THRB: variants seen among roughly 807,000 people sequenced by gnomAD.
THRB encodes the protein thyroid hormone receptor beta.
THRB carries 12 observed loss-of-function variants against 47.8 expected under a neutral mutation model. That is an observed-to-expected ratio of 0.25 (90% CI 0.16 to 0.41). THRB has a LOEUF of 0.41. Among genes scored for constraint, THRB ranks in the 10% least tolerant of loss-of-function variants. The pLI is 1.00. For missense variants in THRB, 348 were observed against 589.2 expected, an observed-to-expected ratio of 0.59 and a Z score of 4.24; for synonymous variants, 218 against 212.2, an observed-to-expected ratio of 1.03 and a Z score of -0.24.
At chr3:24,224,649 T>G (rs370345179) in intron 4 of THRB, among the ~76,000 whole-genome samples, 1 of 152,374 alleles carries the variant, frequency 6.6e-6, no homozygotes, top group Non-Finnish European at 1.5e-5. Context: ...AAATGTTTTG[T>G]CTGACTCTGA....
At chr3:24,317,536 C>T (rs149893192) in intron 2 of THRB, among the ~76,000 whole-genome samples, 91 of 152,098 alleles carry the variant, frequency 6.0e-4, no homozygotes, top group African/African-American at 2.2e-3. Context: ...TTACTCAATC[C>T]CATAAGAAAA....
intron 1 of THRB, among the ~76,000 whole-genome samples, chr3:24,456,961 T>G (rs572668630): frequency 6.6e-6 from 1 of 152,074 alleles, no homozygotes; most frequent in Non-Finnish European, 1.5e-5. Context: ...ATTGTAAGGT[T>G]TGGGGCTTTT....
chr3:24,386,356 T>C (rs1030629976), intron 1 of THRB, among the ~76,000 whole-genome samples: 3 of 152,100 alleles, frequency 2.0e-5, no homozygotes, highest in Admixed American at 2.0e-4. Context: ...CAACCACCTC[T>C]AGTCCCTCTA....
rs747689098 is a variant in THRB at position 24,190,179 on chromosome 3, G to T, written c.178C>A (p.Gln60Lys). 1 of 1,614,134 alleles carries T rather than the reference G, an allele frequency of 6.2e-7. No homozygotes were observed. The highest frequency in any genetic ancestry group is 8.5e-7 in the Non-Finnish European group (1 of 1,179,980). ...AATATTGAGCTAGTCCAAGTGGTCT[G>T]GATGAGATGTGGCGACGACTGTTCA... ...KNEQSSPHLIQTTWTSSIFHL... is the reference protein window; with the variant it reads ...KNEQSSPHLIKTTWTSSIFHL... Residue 60 changes from glutamine (Q) to lysine (K), a missense_variant, in exon 5 of 11, where the codon CAG becomes AAG. Physicochemically the swap from Gln to Lys is moderately conservative, Grantham distance 53. Coordinates refer to ENST00000646209, the MANE Select transcript of THRB (RefSeq NM_001354712.2).
intron 3 of THRB, among the ~76,000 whole-genome samples, chr3:24,284,380 G>A (rs2150886842): frequency 6.6e-6 from 1 of 150,580 alleles, no homozygotes; most frequent in African/African-American, 2.4e-5. Context: ...CTAGCCATAT[G>A]TAGAAAGCTG....
At chr3:24,159,914 T>C (rs7622874) in intron 5 of THRB, among the ~76,000 whole-genome samples, 1,773 of 152,314 alleles carry the variant, frequency 0.012, 25 homozygotes, top group African/African-American at 0.039. Flanking sequence ...ATATACTTTA[T>C]ATATAATATA....
chr3:24,286,484 G>A (rs188965302), intron 3 of THRB, among the ~76,000 whole-genome samples: 77 of 152,262 alleles, frequency 5.1e-4, no homozygotes, highest in African/African-American at 1.8e-3. Flanking sequence ...TTGTACATAA[G>A]AGACTTAATG....
rs577919561 is a variant in THRB at position 24,273,776 on chromosome 3, A to G, written c.-43+23450T>C. On this transcript the variant is annotated intron_variant, in intron 3 of 10. Coordinates refer to ENST00000646209, the MANE Select transcript of THRB (RefSeq NM_001354712.2). ...GTTCTACCCATTGCGGTAGAGCACA[A>G]TACTATCTTCCCGAACCCCCCCACC... Among the ~76,000 whole-genome samples the G allele has an allele frequency of 1.6e-4, 25 of 152,278 alleles. No individual in the cohort carries two copies. The South Asian group carries it at 4.1e-3, about 25-fold the overall frequency.
chr3:24,295,306 G>C (rs189094699), intron 3 of THRB, among the ~76,000 whole-genome samples: 1 of 152,212 alleles, frequency 6.6e-6, no homozygotes, highest in Admixed American at 6.5e-5. Flanking sequence ...CTTCGAAGAT[G>C]CAAGAAGGTA....
chr3:24,189,918 A>C (rs2043113699), intron 5 of THRB, 156 bp downstream of exon 5: 1 of 703,422 alleles, frequency 1.4e-6, no homozygotes, highest in African/African-American at 1.8e-5. Flanking sequence ...GTTTAAAAGA[A>C]TATTTGAAGA....
chr3:24,283,168 G>T (rs2054821241), intron 3 of THRB, among the ~76,000 whole-genome samples: 6 of 152,112 alleles, frequency 3.9e-5, no homozygotes, highest in Non-Finnish European at 7.3e-5. Context: ...GATGAACATT[G>T]ATGCAAAAAT....
rs9827800 is a variant in THRB at position 24,401,461 on chromosome 3, G to C, written c.-260-64090C>G. Reference sequence around the variant, plus strand: ...AACATGGGAGGAAAAATACTCCCTAGTTATTTATTTTATTTCGTTATTGAT... The same window carrying C: ...AACATGGGAGGAAAAATACTCCCTACTTATTTATTTTATTTCGTTATTGAT... On this transcript the variant is annotated intron_variant, in intron 1 of 10. Transcript: ENST00000646209. Among the ~76,000 whole-genome samples, 930 of 152,084 alleles carry C rather than the reference G, an allele frequency of 6.1e-3. 10 individuals carry two copies. The highest frequency in any genetic ancestry group is 0.021 in the African/African-American group (866 of 41,526).
chr3:24,406,967 T>C (rs1163909915), intron 1 of THRB, among the ~76,000 whole-genome samples: 3 of 151,894 alleles, frequency 2.0e-5, no homozygotes, highest in Non-Finnish European at 4.4e-5. Flanking sequence ...TCTATGGGAA[T>C]AGCCACTGGA....
chr3:24,205,097 G>T (rs1332163414), intron 4 of THRB, among the ~76,000 whole-genome samples: 1 of 152,182 alleles, frequency 6.6e-6, no homozygotes. Flanking sequence ...TTATCCAGGA[G>T]AACTTCCCCA....
At chr3:24,182,875 A>G (rs2042083017) in intron 5 of THRB, among the ~76,000 whole-genome samples, 1 of 152,168 alleles carries the variant, frequency 6.6e-6, no homozygotes, top group African/African-American at 2.4e-5. Context: ...CTGACAGTAG[A>G]GCAGTATTTC....
intron 8 of THRB, among the ~76,000 whole-genome samples, chr3:24,141,487 G>A (rs560097381): frequency 6.6e-6 from 1 of 152,220 alleles, no homozygotes; most frequent in Admixed American, 6.5e-5. Context: ...ACTGTTTATT[G>A]CCTTCATTGC....
chr3:24,293,571 T>G (rs1305699376), intron 3 of THRB, among the ~76,000 whole-genome samples: 1 of 152,226 alleles, frequency 6.6e-6, no homozygotes, highest in Non-Finnish European at 1.5e-5. Context: ...ATCTGTCCCA[T>G]GAACATTTTT....
intron 1 of THRB, among the ~76,000 whole-genome samples, chr3:24,383,902 AC>A (rs2065887135): frequency 1.3e-5 from 2 of 152,166 alleles, no homozygotes; most frequent in South Asian, 4.1e-4. Context: ...GCCTTAAAGC[AC>A]CTTTTCTTGA....
chr3:24,358,931 G>T (rs1375900560), intron 1 of THRB, among the ~76,000 whole-genome samples: 4 of 152,058 alleles, frequency 2.6e-5, no homozygotes, highest in Non-Finnish European at 5.9e-5. Flanking sequence ...ATGCTCTCAC[G>T]ACTTCCTTGA....
Sources: allele counts gnomAD v4.1 joint callset (sites outside exome capture counted in the v4.1 genomes callset), GRCh38; gene constraint gnomAD v4.1.1; transcripts MANE v1.5; gene names NCBI Gene and HGNC (gene_info 2026-07-23, HGNC 2026-07-21).